Variants in TCTN1 observed in about 807,000 individuals in gnomAD.
The protein encoded by TCTN1 is tectonic family member 1.
TCTN1 carries 58 observed loss-of-function variants against 65.8 expected under a neutral mutation model. The ratio of observed to expected loss-of-function variants is 0.88; its 90% CI spans 0.71 to 1.10. The LOEUF (loss-of-function observed/expected upper bound fraction) is 1.10, where lower values mean the gene tolerates loss of function less well. Among genes scored for constraint, TCTN1 ranks in the 50% least tolerant of loss-of-function variants. The pLI, the probability that TCTN1 is intolerant of heterozygous loss-of-function variation, is 0.00. For missense variants in TCTN1, 645 were observed against 719.4 expected (o/e 0.90, Z 1.18); for synonymous variants, 273 against 289.1 (o/e 0.94, Z 0.57).
chr12:110,645,198 CG>C, intron 12 of TCTN1, 69 bp downstream of exon 12: 2 of 1,592,826 alleles, frequency 1.3e-6, no homozygotes, highest in Non-Finnish European at 1.7e-6. Flanking sequence ...TGAAGGCAGC[CG>C]GGGAAGCCAG....
Position 110,640,516 on chromosome 12 carries a change from A to C in TCTN1, c.977A>C (p.Glu326Ala), listed in dbSNP as rs1337614424. ...HFSLCVNVVL[E>A]VKYSLTYTDA... ...AGCCTTTGCGTGAATGTTGTTCTTG[A>C]GGTAGGTGCCGAGTTTGGCTTTGAG... Residue 326 changes from glutamate (E) to alanine (A), a missense_variant and splice_region_variant, in exon 8 of 15, where the codon GAG (glutamate) becomes GCG (alanine). Transcript: ENST00000397659. This position sits in a 1 kb window ranked among gnomAD's most constrained non-coding sequence, Gnocchi z 4.9. 6.2e-7 allele frequency: 1 copy of C among 1,614,092 alleles called. No homozygotes were observed. Among genetic ancestry groups the C allele is most frequent in the East Asian group, 2.2e-5 (1 of 44,880 alleles).
In TCTN1 at chr12:110,640,548, T is replaced by C; in HGVS notation, c.978+31T>C. ...TGCCGAGTTTGGCTTTGAGAGCTTGTCTGTGGCAGACTTAAGCCTCTTGTT... is the reference window on the plus strand; with the variant it reads ...TGCCGAGTTTGGCTTTGAGAGCTTGCCTGTGGCAGACTTAAGCCTCTTGTT... On this transcript the variant is annotated intron_variant, in intron 8 of 14. Transcript: ENST00000397659. The surrounding 1 kb of genome is among the most constrained non-coding windows in gnomAD (Gnocchi z 4.9). 7 of 1,614,022 alleles carry C rather than the reference T, an allele frequency of 4.3e-6. No individual in the cohort carries two copies. The highest frequency in any genetic ancestry group is 5.9e-6 in the Non-Finnish European group (7 of 1,180,018).
intron 6 of TCTN1, among the ~76,000 whole-genome samples, chr12:110,635,495 C>T (rs372984967): frequency 2.6e-5 from 4 of 152,084 alleles, no homozygotes; most frequent in African/African-American, 7.2e-5. Flanking sequence ...GTTGTGCACA[C>T]CTGTGGTCCC....
chr12:110,618,878 G>T (rs1038160094), intron 1 of TCTN1, among the ~76,000 whole-genome samples: 1 of 151,916 alleles, frequency 6.6e-6, no homozygotes, highest in African/African-American at 2.4e-5. Context: ...CCTTATTAAT[G>T]ATTAAAAGTT....
chr12:110,614,215 G>T lies in TCTN1; in HGVS notation c.33G>T (p.Val11=). The change falls in exon 1 of 15, where the codon GTG becomes GTT. Residue 11 remains valine (V), a synonymous_variant. Coordinates refer to ENST00000397659, the MANE Select transcript of TCTN1 (RefSeq NM_001082538.3). MRPRGLPPLL[V]VLLGCWASVS... ...CGCGAGGTCTCCCGCCGCTCCTGGT[G>T]GTGCTCCTGGGCTGCTGGGCCTCCG... The T allele has an allele frequency of 6.3e-7, 1 of 1,582,770 alleles. No individual in the cohort carries two copies. The highest frequency in any genetic ancestry group is 2.3e-5 in the East Asian group (1 of 43,740).
chr12:110,647,372 C>CAGA (rs772663788), intron 13 of TCTN1, 36 bp downstream of exon 13: 21 of 1,613,192 alleles, frequency 1.3e-5, no homozygotes, highest in Non-Finnish European at 1.7e-5. Flanking sequence ...TAGGTTAAGA[C>CAGA]AGAAGTCTAG....
intron 11 of TCTN1, among the ~76,000 whole-genome samples, chr12:110,642,931 T>C (rs1056005189): frequency 6.6e-6 from 1 of 152,164 alleles, no homozygotes; most frequent in Admixed American, 6.6e-5. Flanking sequence ...AAATTTTGTA[T>C]TTTTAGTAGA....
intron 1 of TCTN1, among the ~76,000 whole-genome samples, chr12:110,617,187 A>T (rs1440533596): frequency 6.6e-6 from 1 of 152,208 alleles, no homozygotes; most frequent in Non-Finnish European, 1.5e-5. Flanking sequence ...TCATTTTACT[A>T]GGCACATAGA....
rs571241015 is a variant in TCTN1, at chr12:110,614,328, C to T, written c.146C>T (p.Pro49Leu). 20 of 1,605,862 alleles carry T rather than the reference C, an allele frequency of 1.2e-5. No individual in the cohort carries two copies. Among genetic ancestry groups the T allele is most frequent in the Non-Finnish European group, 1.5e-5 (18 of 1,177,086 alleles). ...GCCCTGGCCACCTTCGGAACTTTCCCGTCGACCAGGCCCCCCGGGACTCCC... is the reference window on the plus strand; with the variant it reads ...GCCCTGGCCACCTTCGGAACTTTCCTGTCGACCAGGCCCCCCGGGACTCCC... ...EAALATFGTF[P>L]STRPPGTPRA... is the part of the protein sequence containing the mutation. The change falls in exon 1 of 15, where the codon CCG becomes CTG. Residue 49 changes from proline to leucine, a missense_variant. Physicochemically the swap from Pro to Leu is moderately conservative, Grantham distance 98 (BLOSUM62 -3). Coordinates refer to ENST00000397659, the MANE Select transcript of TCTN1 (RefSeq NM_001082538.3).
At chr12:110,617,295 C>T (rs544689778) in intron 1 of TCTN1, among the ~76,000 whole-genome samples, 5 of 152,042 alleles carry the variant, frequency 3.3e-5, no homozygotes, top group South Asian at 4.1e-4. Flanking sequence ...CCTTCCCCTT[C>T]ACCTCACACA....
Position 110,614,339 on chromosome 12 carries a change from C to G in TCTN1, c.157C>G (p.Pro53Ala), listed in dbSNP as rs765822202. 1.2e-6 allele frequency: 2 copies of G among 1,606,042 alleles called. No individual in the cohort carries two copies. The highest frequency in any genetic ancestry group is 1.7e-6 in the Non-Finnish European group (2 of 1,177,058). The change falls in exon 1 of 15, where the codon CCC becomes GCC. Residue 53 changes from proline (P) to alanine (A), a missense_variant. By Grantham distance (27) the Pro-to-Ala change is conservative. Coordinates refer to ENST00000397659, the MANE Select transcript of TCTN1 (RefSeq NM_001082538.3). ...ATFGTFPSTR[P>A]PGTPRAPGPS... is the part of the protein sequence containing the mutation. ...CTTCGGAACTTTCCCGTCGACCAGG[C>G]CCCCCGGGACTCCCAGGGCTCCAGG...
In TCTN1 at chr12:110,640,500, GT is replaced by G; in HGVS notation, c.962del (p.Val321GlyfsTer7). 1 of 1,614,242 alleles carries G rather than the reference GT, an allele frequency of 6.2e-7. No individual in the cohort carries two copies. The highest frequency in any genetic ancestry group is 2.2e-5 in the East Asian group (1 of 44,894). On this transcript the variant is annotated frameshift_variant, in exon 8 of 15. Coordinates refer to ENST00000397659, the MANE Select transcript of TCTN1 (RefSeq NM_001082538.3). LOFTEE classifies it high-confidence loss of function. The surrounding 1 kb of genome is among the most constrained non-coding windows in gnomAD (Gnocchi z 4.9). ...LVNAGHFSLCVNVVLEVKYSL... is the reference protein window; with the variant it reads ...LVNAGHFSLCXNVVLEVKYSL... Reference sequence around the variant, plus strand: ...CAACGCTGGACACTTTAGCCTTTGCGTGAATGTTGTTCTTGAGGTAGGTGCC... The same window carrying G: ...CAACGCTGGACACTTTAGCCTTTGCGGAATGTTGTTCTTGAGGTAGGTGCC...
At chr12:110,631,452 A>G (rs2066230502) in intron 4 of TCTN1, among the ~76,000 whole-genome samples, 1 of 151,872 alleles carries the variant, frequency 6.6e-6, no homozygotes, top group Admixed American at 6.5e-5. Context: ...TGGACAATAT[A>G]GTGAAACCCC....
chr12:110,636,761 G>T (rs972992277), intron 7 of TCTN1, among the ~76,000 whole-genome samples: 4 of 152,190 alleles, frequency 2.6e-5, no homozygotes, highest in Non-Finnish European at 5.9e-5. Flanking sequence ...GTGACCAGCA[G>T]TGGGTATGAT....
chr12:110,636,538 G>T (rs750958275), intron 7 of TCTN1, 37 bp downstream of exon 7: 4 of 1,185,910 alleles, frequency 3.4e-6, no homozygotes. Context: ...TAGAAAGTAG[G>T]ATAGTTTATA....
intron 2 of TCTN1, chr12:110,625,807 G>A (rs2065795212): frequency 7.0e-6 from 1 of 143,842 alleles, no homozygotes; most frequent in African/African-American, 2.5e-5. Flanking sequence ...AGGCTTGAGT[G>A]CAGTGGCGCG....
intron 2 of TCTN1, among the ~76,000 whole-genome samples, chr12:110,621,107 A>G (rs1364156487): frequency 1.3e-5 from 2 of 152,162 alleles, no homozygotes; most frequent in African/African-American, 4.8e-5. Flanking sequence ...GCCCAGCTTC[A>G]AGGCTTTTTG....
In TCTN1 at chr12:110,647,843, C is replaced by T. The variant is rs1566015954; in HGVS notation, c.1730C>T (p.Pro577Leu). 2 of 1,614,048 alleles carry T rather than the reference C, an allele frequency of 1.2e-6. No individual in the cohort carries two copies. The highest frequency in any genetic ancestry group is 1.3e-5 in the African/African-American group (1 of 74,924). Residue 577 changes from proline to leucine, a missense_variant, in exon 14 of 15, where the codon CCA becomes CTA. Pro to Leu is a moderately conservative substitution (Grantham distance 98, BLOSUM62 -3). Coordinates refer to ENST00000397659, the MANE Select transcript of TCTN1 (RefSeq NM_001082538.3). The part of the protein sequence containing the change: ...APAEAGFRAP[P>L]AINARLPFNF... ...GCAGAGGCAGGCTTCAGAGCTCCAC[C>T]AGCCATCAATGCCAGGCTGCCCTTT...
chr12:110,628,368 T>C, intron 3 of TCTN1: 4 of 830,742 alleles, frequency 4.8e-6, no homozygotes, highest in Non-Finnish European at 7.3e-6. Context: ...TGAGATGAAG[T>C]CTCACTGTGT....
Sources: allele counts gnomAD v4.1 joint callset (sites outside exome capture counted in the v4.1 genomes callset), GRCh38; gene constraint gnomAD v4.1.1; non-coding constraint Gnocchi (gnomAD v3.1); transcripts MANE v1.5; gene names NCBI Gene and HGNC (gene_info 2026-07-23, HGNC 2026-07-21).